The following SLC27A2 variants were observed in gnomAD, a reference collection of about 807,000 sequenced individuals.
SLC27A2 encodes the protein long-chain fatty acid transport protein 2.
SLC27A2 carries 54 observed loss-of-function variants against 60.0 expected under a neutral mutation model. The observed-to-expected ratio is 0.90, with a 90% CI of 0.72 to 1.13. The LOEUF is 1.13. SLC27A2 is among the 50% of genes most tolerant of loss of function. The pLI is 0.00. For synonymous variants in SLC27A2, 297 were observed against 297.6 expected, an observed-to-expected ratio of 1.00 and a Z score of 0.02; for missense variants, 739 against 777.6, an observed-to-expected ratio of 0.95 and a Z score of 0.59.
chr15:50,232,657 A>C (rs1446180774), intron 8 of SLC27A2, among the ~76,000 whole-genome samples: 1 of 152,132 alleles, frequency 6.6e-6, no homozygotes, highest in East Asian at 1.9e-4. Context: ...AGCAAGAAGC[A>C]AGGAGACGGT....
intron 5 of SLC27A2, among the ~76,000 whole-genome samples, chr15:50,223,930 G>A (rs1041148338): frequency 5.3e-5 from 8 of 152,180 alleles, no homozygotes; most frequent in Non-Finnish European, 8.8e-5. Flanking sequence ...GTGTCCCCAG[G>A]GACAGGCCAG....
At position 50,228,996 on chromosome 15, in the gene SLC27A2, G is replaced by A. The variant is rs770529529; in HGVS notation, c.1509G>A (p.Leu503=). ...CTGAAGTTGCTGATACAGTTGGACT[G>A]GTTGATTTTGTCCAAGAAGTAAATG... ...ATTEVADTVG[L]VDFVQEVNVY... is the part of the protein sequence containing the mutation. The change falls in exon 8 of 10, where the codon CTG becomes CTA. Residue 503 remains leucine (L), a synonymous_variant. Transcript: ENST00000267842. The A allele has an allele frequency of 4.3e-6, 7 of 1,613,882 alleles. No individual in the cohort carries two copies. In the African/African-American group the frequency reaches 9.3e-5, roughly 22 times the overall value.
chr15:50,197,508 G>A lies in SLC27A2; in HGVS notation c.487G>A (p.Ala163Thr). The change falls in exon 2 of 10, where the codon GCA becomes ACA. Residue 163 changes from alanine (A) to threonine (T), a missense_variant. Physicochemically the swap from Ala to Thr is moderately conservative, Grantham distance 58. Coordinates refer to ENST00000267842, the MANE Select transcript of SLC27A2 (RefSeq NM_003645.4). ...KVLLVSPELQ[A>T]AVEEILPSLK... The stretch of plus-strand genomic sequence containing the variant: ...TTTCTTATTAAATTAAGAACTACAA[G>A]CAGCTGTCGAAGAGATACTGCCAAG... 1 of 1,612,350 alleles carries A rather than the reference G, an allele frequency of 6.2e-7. No individual in the cohort carries two copies. The highest frequency in any genetic ancestry group is 1.3e-5 in the African/African-American group (1 of 74,994).
chr15:50,195,321 A>C (rs1385348854), intron 1 of SLC27A2, among the ~76,000 whole-genome samples: 16 of 150,528 alleles, frequency 1.1e-4, no homozygotes, highest in Middle Eastern at 3.4e-3. Flanking sequence ...GAAAAAAAAA[A>C]AAAAAACAAA....
At chr15:50,182,944 T>A (rs776762578) in intron 1 of SLC27A2, 39 bp downstream of exon 1, 37 of 1,552,498 alleles carry the variant, frequency 2.4e-5, no homozygotes, top group South Asian at 4.8e-5. Flanking sequence ...CACCAGGGCT[T>A]CTCGGCGCCT....
chr15:50,225,935 A>T, intron 5 of SLC27A2, 53 bp from the exon 6 acceptor site: 1 of 1,307,478 alleles, frequency 7.6e-7, no homozygotes, highest in South Asian at 1.3e-5. Flanking sequence ...ACCACAATTA[A>T]AAAGGGAAAA....
chr15:50,220,233 C>G (rs1412886157), intron 4 of SLC27A2, among the ~76,000 whole-genome samples: 2 of 152,146 alleles, frequency 1.3e-5, no homozygotes, highest in African/African-American at 2.4e-5. Flanking sequence ...TCCCACACAC[C>G]CAGGGTGCCT....
At position 50,182,537 on chromosome 15, in the gene SLC27A2, C is replaced by T. The variant is rs762457946; in HGVS notation, c.110C>T (p.Ala37Val). 2.1e-5 allele frequency: 34 copies of T among 1,612,404 alleles called. No individual in the cohort carries two copies. The South Asian group carries it at 3.6e-4, about 17-fold the overall frequency. ...GACATAGGCTACTTCTTGAAGGTGG[C>T]CGCCGTGGGCCGGAGGGTGCGCAGC... Reference protein sequence around the residue: ...FQDIGYFLKVAAVGRRVRSYG... With the variant: ...FQDIGYFLKVVAVGRRVRSYG... The change falls in exon 1 of 10, where the codon GCC (alanine) becomes GTC (valine). Residue 37 changes from alanine to valine, a missense_variant. By Grantham distance (64) the Ala-to-Val change is moderately conservative (BLOSUM62 0). Transcript: ENST00000267842.
intron 8 of SLC27A2, among the ~76,000 whole-genome samples, chr15:50,230,542 C>CA (rs1462242547): frequency 6.6e-6 from 1 of 151,938 alleles, no homozygotes; most frequent in Non-Finnish European, 1.5e-5. Flanking sequence ...GGCTCCATCT[C>CA]AAAAAAACAA....
chr15:50,197,105 A>G (rs1195208463), intron 1 of SLC27A2, among the ~76,000 whole-genome samples: 1 of 152,182 alleles, frequency 6.6e-6, no homozygotes, highest in East Asian at 1.9e-4. Context: ...ATTTCAGCCA[A>G]CCATCTGCTA....
rs749560803 is a variant in SLC27A2 at position 50,227,077 on chromosome 15, T to C, written c.1356T>C (p.Asp452=). The part of the protein sequence containing the change: ...KAQTEKKKLR[D]VFKKGDLYFN... ...AGACAGAGAAGAAAAAACTGAGAGA[T>C]GTCTTTAAGAAAGGAGACCTCTATT... Residue 452 remains aspartate, a synonymous_variant, in exon 7 of 10, where the codon GAT becomes GAC. Coordinates refer to ENST00000267842, the MANE Select transcript of SLC27A2 (RefSeq NM_003645.4). 3 of 1,614,032 alleles carry C rather than the reference T, an allele frequency of 1.9e-6. No homozygotes were observed. The highest frequency in any genetic ancestry group is 4.5e-5 in the East Asian group (2 of 44,890).
At chr15:50,204,687 G>C (rs2045095676) in intron 3 of SLC27A2, among the ~76,000 whole-genome samples, 1 of 150,332 alleles carries the variant, frequency 6.7e-6, no homozygotes, top group African/African-American at 2.5e-5. Flanking sequence ...GAGTCGAGAT[G>C]GCACCACTGC....
chr15:50,211,918 A>G (rs2045159176), intron 4 of SLC27A2, among the ~76,000 whole-genome samples: 1 of 151,278 alleles, frequency 6.6e-6, no homozygotes. Flanking sequence ...AAAAATACAA[A>G]AAAATTAGCT....
In SLC27A2 at chr15:50,188,978, GATAA is replaced by G. The variant is rs766223170; in HGVS notation, c.478+6077_478+6080del. Among the ~76,000 whole-genome samples, 818 of 90,940 alleles carry G rather than the reference GATAA, an allele frequency of 9.0e-3. 4 individuals are homozygous for G. The highest frequency in any genetic ancestry group is 0.024 in the East Asian group (63 of 2,620). 59.7% of individuals were successfully genotyped at this position (90,940 alleles called of 152,430 possible). On this transcript the variant is annotated intron_variant, in intron 1 of 9. Coordinates refer to ENST00000267842, the MANE Select transcript of SLC27A2 (RefSeq NM_003645.4). ...GTCTAGATAGGTAGATAGATAGATAGATAAATAGATAGATAGATAGATAGATAGA... is the reference window on the plus strand; with the variant it reads ...GTCTAGATAGGTAGATAGATAGATAGATAGATAGATAGATAGATAGATAGA...
intron 4 of SLC27A2, among the ~76,000 whole-genome samples, chr15:50,221,321 G>C (rs886442183): frequency 2.6e-5 from 4 of 152,108 alleles, no homozygotes; most frequent in African/African-American, 9.7e-5. Context: ...GCGGTGGGGT[G>C]GGGGTGGGCT....
At chr15:50,191,011 A>C (rs2044968700) in intron 1 of SLC27A2, 1 of 152,224 alleles carries the variant, frequency 6.6e-6, no homozygotes, top group African/African-American at 2.4e-5. Flanking sequence ...CTTTGCTAGA[A>C]CTTAATCTGA....
rs978590716 is a variant in SLC27A2 at position 50,182,214 on chromosome 15, C to G, written c.-214C>G. Reference sequence around the variant, plus strand: ...GCCGGCCAGTCCTGCCCGGAACCCCCGGCAACGCGCATACGACTACACCTG... The same window carrying G: ...GCCGGCCAGTCCTGCCCGGAACCCCGGGCAACGCGCATACGACTACACCTG... On this transcript the variant is annotated 5_prime_UTR_variant, in exon 1 of 10. Coordinates refer to ENST00000267842, the MANE Select transcript of SLC27A2 (RefSeq NM_003645.4). 4 of 677,506 alleles carry G rather than the reference C, an allele frequency of 5.9e-6. No homozygotes were observed. In the South Asian group the frequency reaches 1.9e-4, roughly 33 times the overall value. The allele number at this position is 677,506 out of a possible 1,614,324, so 42.0% of individuals were successfully genotyped here.
At chr15:50,187,328 C>T (rs1289270012) in intron 1 of SLC27A2, among the ~76,000 whole-genome samples, 1 of 152,234 alleles carries the variant, frequency 6.6e-6, no homozygotes, top group African/African-American at 2.4e-5. Flanking sequence ...TAATAAAAGC[C>T]ACATGGCTGG....
intron 1 of SLC27A2, among the ~76,000 whole-genome samples, chr15:50,189,349 A>T (rs2414035): frequency 7.9e-5 from 12 of 151,996 alleles, no homozygotes; most frequent in African/African-American, 2.9e-4. Context: ...TCAGTGCAGC[A>T]AGTAAGCAGG....
Sources: allele counts gnomAD v4.1 joint callset (sites outside exome capture counted in the v4.1 genomes callset), GRCh38; gene constraint gnomAD v4.1.1; transcripts MANE v1.5; gene names NCBI Gene and HGNC (gene_info 2026-07-23, HGNC 2026-07-21).